CNTNAP2: variants seen among roughly 807,000 people sequenced by gnomAD.
The protein encoded by CNTNAP2 is contactin associated protein 2.
In CNTNAP2, 98 loss-of-function variants were observed where a neutral mutation model predicts 155.2. The observed-to-expected ratio is 0.63, with a 90% CI of 0.54 to 0.75. The LOEUF is 0.75. CNTNAP2 is among the 30% of genes least tolerant of loss of function. The pLI, the probability that CNTNAP2 is intolerant of heterozygous loss-of-function variation, is 0.00. For missense variants in CNTNAP2, 1,727 were observed against 1,688.1 expected (o/e 1.02, Z -0.40); for synonymous variants, 651 against 631.2 (o/e 1.03, Z -0.47).
At chr7:147,027,776 C>T (rs1385168085) in intron 3 of CNTNAP2, among the ~76,000 whole-genome samples, 1 of 152,132 alleles carries the variant, frequency 6.6e-6, no homozygotes, top group Non-Finnish European at 1.5e-5. Flanking sequence ...GAGGCAGGAC[C>T]TCCAGCACCT....
intron 3 of CNTNAP2, among the ~76,000 whole-genome samples, chr7:147,043,677 G>A (rs1470231320): frequency 2.0e-5 from 3 of 152,142 alleles, no homozygotes; most frequent in Non-Finnish European, 2.9e-5. Flanking sequence ...TTCTTTTAAC[G>A]TATGTTTACA....
intron 10 of CNTNAP2, among the ~76,000 whole-genome samples, chr7:147,399,067 A>G (rs1796869805): frequency 6.6e-6 from 1 of 152,070 alleles, no homozygotes; most frequent in Admixed American, 6.6e-5. Context: ...CAGGGAAAGA[A>G]CATTTGACCC....
intron 15 of CNTNAP2, among the ~76,000 whole-genome samples, chr7:148,003,517 G>A (rs1222621335): frequency 6.6e-6 from 1 of 152,186 alleles, no homozygotes; most frequent in Non-Finnish European, 1.5e-5. Flanking sequence ...GAAGTATTGA[G>A]GAGCCAAGGT....
At chr7:147,831,292 T>A (rs1798541211) in intron 13 of CNTNAP2, among the ~76,000 whole-genome samples, 1 of 152,236 alleles carries the variant, frequency 6.6e-6, no homozygotes, top group African/African-American at 2.4e-5. Flanking sequence ...ACGCCTGTAT[T>A]CTGAGACACT....
chr7:148,185,342 G>A (rs1399465462), intron 18 of CNTNAP2, among the ~76,000 whole-genome samples: 1 of 152,194 alleles, frequency 6.6e-6, no homozygotes, highest in Non-Finnish European at 1.5e-5. Flanking sequence ...AAACACACTT[G>A]AGATTAAATA....
At chr7:147,180,623 A>G (rs1802436281) in intron 8 of CNTNAP2, among the ~76,000 whole-genome samples, 1 of 152,174 alleles carries the variant, frequency 6.6e-6, no homozygotes. Context: ...TTACCTTAGT[A>G]AGAGCAGCCA....
chr7:147,124,876 C>CTTTTTTT (rs371912854), intron 6 of CNTNAP2, among the ~76,000 whole-genome samples: 4 of 80,078 alleles, frequency 5.0e-5, no homozygotes, highest in Non-Finnish European at 6.4e-5. Context: ...CCTTTTTTTC[C>CTTTTTTT]TTTTTTTTTT....
At chr7:147,620,619 T>A (rs2116891706) in intron 12 of CNTNAP2, among the ~76,000 whole-genome samples, 1 of 150,790 alleles carries the variant, frequency 6.6e-6, no homozygotes, top group Middle Eastern at 3.4e-3. Flanking sequence ...TGCATCAGAG[T>A]CTTTTAATAG....
At chr7:147,381,819 A>G (rs1333582142) in intron 9 of CNTNAP2, among the ~76,000 whole-genome samples, 1 of 152,026 alleles carries the variant, frequency 6.6e-6, no homozygotes, top group Non-Finnish European at 1.5e-5. Context: ...TAGTATAAAC[A>G]TATTTTATAT....
intron 1 of CNTNAP2, among the ~76,000 whole-genome samples, chr7:146,665,994 G>A (rs932333161): frequency 2.0e-5 from 3 of 151,714 alleles, no homozygotes; most frequent in Non-Finnish European, 4.4e-5. Context: ...CATTATGTTG[G>A]GAACATTCAA....
intron 4 of CNTNAP2, chr7:147,085,746 T>C (rs1036401223): frequency 1.3e-5 from 2 of 152,238 alleles, no homozygotes; most frequent in African/African-American, 4.8e-5. Context: ...TCTTCATGTC[T>C]CATCGTTTTA....
At chr7:146,655,345 CAG>C (rs1416017238) in intron 1 of CNTNAP2, among the ~76,000 whole-genome samples, 1 of 131,706 alleles carries the variant, frequency 7.6e-6, no homozygotes, top group African/African-American at 2.9e-5. Flanking sequence ...ACTCGGGAGA[CAG>C]AGGTTGCAGT....
chr7:146,583,776 A>C (rs1273519100), intron 1 of CNTNAP2, among the ~76,000 whole-genome samples: 1 of 152,136 alleles, frequency 6.6e-6, no homozygotes, highest in African/African-American at 2.4e-5. Context: ...TGCTTTATTC[A>C]TATATGCTAT....
intron 15 of CNTNAP2, among the ~76,000 whole-genome samples, chr7:148,071,253 G>A (rs1803376049): frequency 6.6e-6 from 1 of 152,132 alleles, no homozygotes; most frequent in Non-Finnish European, 1.5e-5. Flanking sequence ...GAGACGGGCG[G>A]ATTGCCTGAG....
chr7:147,269,969 G>A (rs761214544), intron 8 of CNTNAP2, among the ~76,000 whole-genome samples: 4 of 152,128 alleles, frequency 2.6e-5, no homozygotes, highest in Non-Finnish European at 5.9e-5. Context: ...GGCTGAGATG[G>A]AAGAATAGCT....
At chr7:146,650,222 TCTA>T (rs1350466116) in intron 1 of CNTNAP2, among the ~76,000 whole-genome samples, 1 of 152,126 alleles carries the variant, frequency 6.6e-6, no homozygotes, top group Admixed American at 6.5e-5. Context: ...TATAAATCAT[TCTA>T]CTATAAAGAC....
At chr7:146,487,739 A>C (rs905250844) in intron 1 of CNTNAP2, among the ~76,000 whole-genome samples, 15 of 152,208 alleles carry the variant, frequency 9.9e-5, no homozygotes, top group African/African-American at 2.9e-4. Context: ...TAACACAGGT[A>C]ATGAGTGAAT....
rs538557469 is a variant in CNTNAP2, at chr7:148,240,019, T to C, written c.3381+10240T>C. ...TAAACCCACCACATGGTGAGAAAGTTCCAAACAGCAATCGTTTCTGAAGCC... is the reference window on the plus strand; with the variant it reads ...TAAACCCACCACATGGTGAGAAAGTCCCAAACAGCAATCGTTTCTGAAGCC... On this transcript the variant is annotated intron_variant, in intron 20 of 23. Transcript: ENST00000361727. Among the ~76,000 whole-genome samples, 3 of 152,302 alleles carry C rather than the reference T, an allele frequency of 2.0e-5. No homozygotes were observed. In the East Asian group the frequency reaches 5.8e-4, roughly 29 times the overall value.
intron 13 of CNTNAP2, among the ~76,000 whole-genome samples, chr7:147,873,387 A>C (rs2710141): frequency 0.45 from 67,680 of 152,042 alleles, 15,171 homozygotes; most frequent in Middle Eastern, 0.53. Flanking sequence ...ATGGCTGGGG[A>C]GGCCTCACAA....
Sources: allele counts gnomAD v4.1 joint callset (sites outside exome capture counted in the v4.1 genomes callset), GRCh38; gene constraint gnomAD v4.1.1; transcripts MANE v1.5; gene names NCBI Gene and HGNC (gene_info 2026-07-23, HGNC 2026-07-21).